NOP56: variants seen among roughly 807,000 people sequenced by gnomAD.
NOP56 encodes the protein nucleolar protein 56.
In NOP56, 31 loss-of-function variants were observed where a neutral mutation model predicts 58.3. The observed-to-expected ratio is 0.53, with a 90% confidence interval of 0.40 to 0.72. NOP56 has a LOEUF of 0.72. NOP56 is among the 30% of genes least tolerant of loss of function. The probability of loss-of-function intolerance (pLI) is 0.00; values close to 1 mark genes in which losing one functional copy is unlikely to be tolerated. For missense variants in NOP56, 669 were observed against 739.9 expected (o/e 0.90, Z 1.11); for synonymous variants, 313 against 282.8 (o/e 1.11, Z -1.07).
chr20:2,653,707 A>C (rs765476952), intron 3 of NOP56: 1 of 272,570 alleles, frequency 3.7e-6, no homozygotes, highest in East Asian at 9.5e-5. Flanking sequence ...GCTGGAGTGC[A>C]GTGGCAAGAT....
Position 2,657,983 on chromosome 20 carries a change from C to T in NOP56, c.1474C>T (p.Gln492Ter), listed in dbSNP as rs2086850127. 1 of 1,610,328 alleles carries T rather than the reference C, an allele frequency of 6.2e-7. No individual in the cohort carries two copies. The highest frequency in any genetic ancestry group is 8.5e-7 in the Non-Finnish European group (1 of 1,177,526). The part of the protein sequence containing the change: ...KKKQKPQEVP[Q>*]ENGMEDPSIS... ...AAAGCAAAAGCCCCAGGAGGTTCCTCAGGAGAATGGAATGGAAGACCCATC... is the reference window on the plus strand; with the variant it reads ...AAAGCAAAAGCCCCAGGAGGTTCCTTAGGAGAATGGAATGGAAGACCCATC... Residue 492 changes from glutamine to a stop codon, truncating the protein, a stop_gained, in exon 12 of 12, where the codon CAG becomes TAG. Transcript: ENST00000329276. LOFTEE classifies it low-confidence loss of function (END_TRUNC).
chr20:2,657,048 C>T lies in NOP56; in HGVS notation c.1282-33C>T, dbSNP rs368636193. ...AAGGAGTCCTCAGAGCACCAGAAGT[C>T]TTCAGGCCCTTTTAGCACTTTTCTT... On this transcript the variant is annotated intron_variant, in intron 10 of 11. Transcript: ENST00000329276. 35 of 1,613,980 alleles carry T rather than the reference C, an allele frequency of 2.2e-5. No homozygotes were observed. In the South Asian group the frequency reaches 3.3e-4, roughly 15 times the overall value.
Position 2,653,105 on chromosome 20 carries a change from C to T in NOP56, c.93+174C>T, listed in dbSNP as rs190033958. 1.3e-5 allele frequency: 10 copies of T among 777,010 alleles called. No individual in the cohort carries two copies. In the East Asian group the frequency reaches 1.8e-4, roughly 14 times the overall value. The allele number at this position is 777,010 out of a possible 1,614,324, so 48.1% of individuals were successfully genotyped here. A position where few individuals can be genotyped will look rare whatever the true frequency, so the allele number is the denominator to read the frequency against. On this transcript the variant is annotated intron_variant, in intron 2 of 11. Coordinates refer to ENST00000329276, the MANE Select transcript of NOP56 (RefSeq NM_006392.4). ...TGACCCATGGGTAGAATCGCTCTAG[C>T]AATTAGAAATAAGCCTCCCGGACGC...
chr20:2,653,503 C>T (rs534644186), intron 3 of NOP56, 110 bp downstream of exon 3: 28 of 805,008 alleles, frequency 3.5e-5, no homozygotes, highest in Admixed American at 2.6e-4. Context: ...GTCTGATAGG[C>T]GTGAGGCAGT....
In NOP56 at chr20:2,652,682, G is replaced by T. The variant is rs2086760930; in HGVS notation, c.3+19G>T. 4.5e-6 allele frequency: 3 copies of T among 669,308 alleles called. No homozygotes were observed. The highest frequency in any genetic ancestry group is 5.9e-6 in the Non-Finnish European group (3 of 512,292). The allele number at this position is 669,308 out of a possible 1,614,324, so 41.5% of individuals were successfully genotyped here. A position where few individuals can be genotyped will look rare whatever the true frequency, so the allele number is the denominator to read the frequency against. ...CGCCATGGTGAGGAGTGGTTGCGGG[G>T]CGCGGGCGACGCGACGGTGGGGGTT... On this transcript the variant is annotated intron_variant, in intron 1 of 11. Transcript: ENST00000329276.
chr20:2,653,036 G>T (rs1002783952), intron 2 of NOP56, 105 bp downstream of exon 2: 2 of 1,044,916 alleles, frequency 1.9e-6, no homozygotes, highest in South Asian at 1.6e-5. Flanking sequence ...GGTTCGGGGC[G>T]GGGGGACGGG....
rs1435768250 is a variant in NOP56 at position 2,655,363 on chromosome 20, T to G, written c.608T>G (p.Ile203Ser). Residue 203 changes from isoleucine (I) to serine (S), a missense_variant, in exon 6 of 12, where the codon ATC becomes AGC. Physicochemically the swap from Ile to Ser is moderately radical, Grantham distance 142. Coordinates refer to ENST00000329276, the MANE Select transcript of NOP56 (RefSeq NM_006392.4). ...TATCACTTTCCGGAGCTGGTGAAGA[T>G]CATCAACGACAATGCCACATACTGC... The part of the protein sequence containing the change: ...YGYHFPELVK[I>S]INDNATYCRL... 1 of 1,614,068 alleles carries G rather than the reference T, an allele frequency of 6.2e-7. No individual in the cohort carries two copies. Among genetic ancestry groups the G allele is most frequent in the Non-Finnish European group, 8.5e-7 (1 of 1,180,020 alleles).
intron 11 of NOP56, chr20:2,657,625 AGTTTCTTAAACAGT>A: frequency 2.0e-6 from 1 of 511,794 alleles, no homozygotes; most frequent in East Asian, 3.4e-5. Context: ...TTTAGCACCC[AGTTTCTTAAACAGT>A]GTTTCAGGGC....
Position 2,652,827 on chromosome 20 carries a change from C to T in NOP56, c.4-15C>T, listed in dbSNP as rs748700095. On this transcript the variant is annotated splice_polypyrimidine_tract_variant and intron_variant, in intron 1 of 11. Transcript: ENST00000329276. ...TGAGGTTGCGTTGACGCTCGCGCCC[C>T]GGCTCCCGTTCCAGGTGCTGTTGCA... 13 of 1,607,338 alleles carry T rather than the reference C, an allele frequency of 8.1e-6. No homozygotes were observed. The highest frequency in any genetic ancestry group is 3.4e-6 in the Non-Finnish European group (4 of 1,177,698).
Position 2,658,322 on chromosome 20 carries a change from G to A in NOP56, c.*28G>A, listed in dbSNP as rs1384653187. On this transcript the variant is annotated 3_prime_UTR_variant, in exon 12 of 12. Transcript: ENST00000329276. ...TGCAAATGGACATTCTCTGGGAGGTGGGGCATACCATAGCCCAAGGTGACA... is the reference window on the plus strand; with the variant it reads ...TGCAAATGGACATTCTCTGGGAGGTAGGGCATACCATAGCCCAAGGTGACA... 6.2e-7 allele frequency: 1 copy of A among 1,601,372 alleles called. No homozygotes were observed. Among genetic ancestry groups the A allele is most frequent in the African/African-American group, 1.3e-5 (1 of 74,702 alleles).
intron 11 of NOP56, 175 bp downstream of exon 11, chr20:2,657,393 T>G: frequency 1.0e-6 from 1 of 964,850 alleles, no homozygotes; most frequent in Non-Finnish European, 1.6e-6. Context: ...GGTGCTGAAC[T>G]TGCTCAAGAG....
intron 1 of NOP56, 24 bp downstream of exon 1, chr20:2,652,687 GGCGAC>G: frequency 1.4e-6 from 2 of 1,473,516 alleles, no homozygotes; most frequent in Non-Finnish European, 1.8e-6. Flanking sequence ...GCGGGGCGCG[GGCGAC>G]GCGACGGTGG....
intron 9 of NOP56, 27 bp from the exon 10 acceptor site, chr20:2,656,747 C>T: frequency 1.2e-6 from 2 of 1,614,178 alleles, no homozygotes; most frequent in Non-Finnish European, 1.7e-6. Flanking sequence ...TTTGGGCTGA[C>T]AGGCTTTGTC....
chr20:2,656,497 C>T lies in NOP56; in HGVS notation c.1107C>T (p.Ser369=). ...RAAAKNKGRI[S]RYLANKCSIA... The stretch of plus-strand genomic sequence containing the variant: ...CTGCCAAGAACAAAGGCCGCATCTC[C>T]CGATACCTGGCAAACAAATGCAGTA... Residue 369 remains serine, a synonymous_variant, in exon 9 of 12, where the codon TCC becomes TCT. Transcript: ENST00000329276. The T allele has an allele frequency of 6.2e-7, 1 of 1,614,186 alleles. No homozygotes were observed. The highest frequency in any genetic ancestry group is 8.5e-7 in the Non-Finnish European group (1 of 1,180,036).
chr20:2,652,744 T>C lies in NOP56; in HGVS notation c.3+81T>C, dbSNP rs753686563. ...TCGGGCCGCAGACAGGGCCTGGGCC[T>C]GGGCCTGGGCCTGCGCCTGCGCCTG... On this transcript the variant is annotated intron_variant, in intron 1 of 11. Coordinates refer to ENST00000329276, the MANE Select transcript of NOP56 (RefSeq NM_006392.4). The C allele has an allele frequency of 3.7e-5, 56 of 1,522,874 alleles. No homozygotes were observed. The Admixed American group carries it at 8.8e-4, about 24-fold the overall frequency. The allele number at this position is 1,522,874 out of a possible 1,614,324, so 94.3% of individuals were successfully genotyped here. A position where few individuals can be genotyped will look rare whatever the true frequency, so the allele number is the denominator to read the frequency against.
chr20:2,655,191 G>T (rs1210412562), intron 5 of NOP56, 134 bp from the exon 6 acceptor site: 1 of 1,235,446 alleles, frequency 8.1e-7, no homozygotes. Context: ...GTGAATGGGG[G>T]AACATAGAAT....
chr20:2,653,495 C>A, intron 3 of NOP56, 102 bp downstream of exon 3: 1 of 878,140 alleles, frequency 1.1e-6, no homozygotes, highest in South Asian at 1.4e-5. Context: ...GGCTCTGAGT[C>A]TGATAGGCGT....
Position 2,656,479 on chromosome 20 carries a change from G to A in NOP56, c.1089G>A (p.Lys363=). 6.2e-7 allele frequency: 1 copy of A among 1,614,056 alleles called. No homozygotes were observed. Among genetic ancestry groups the A allele is most frequent in the Non-Finnish European group, 8.5e-7 (1 of 1,180,020 alleles). The change falls in exon 9 of 12, where the codon AAG becomes AAA. Residue 363 remains lysine (K), a synonymous_variant. Coordinates refer to ENST00000329276, the MANE Select transcript of NOP56 (RefSeq NM_006392.4). The part of the protein sequence containing the change: ...HSTFIGRAAA[K]NKGRISRYLA... Reference sequence around the variant, plus strand: ...CCTTCATTGGCCGAGCAGCTGCCAAGAACAAAGGCCGCATCTCCCGATACC... The same window carrying A: ...CCTTCATTGGCCGAGCAGCTGCCAAAAACAAAGGCCGCATCTCCCGATACC...
At position 2,654,329 on chromosome 20, in the gene NOP56, C is replaced by T. The variant is rs762457364; in HGVS notation, c.209-85C>T. On this transcript the variant is annotated intron_variant, in intron 3 of 11. Coordinates refer to ENST00000329276, the MANE Select transcript of NOP56 (RefSeq NM_006392.4). ...TCTAGGTATGCCATCCCAGCGTGCT[C>T]GGTGGGACCAGGGTAGTCAGCTGAG... 14 of 1,458,908 alleles carry T rather than the reference C, an allele frequency of 9.6e-6. No homozygotes were observed. The African/African-American group carries it at 1.1e-4, about 12-fold the overall frequency. 90.4% of individuals were successfully genotyped at this position (1,458,908 alleles called of 1,614,324 possible).
Sources: allele counts gnomAD v4.1 joint callset, GRCh38; gene constraint gnomAD v4.1.1; transcripts MANE v1.5; gene names NCBI Gene and HGNC (gene_info 2026-07-23, HGNC 2026-07-21).